Variants in PEX26 observed in about 807,000 individuals in gnomAD.
The protein encoded by PEX26 is peroxisome assembly protein 26.
In PEX26, 18 loss-of-function variants were observed where a neutral mutation model predicts 31.4. The ratio of observed to expected loss-of-function variants is 0.57; its 90% CI spans 0.40 to 0.85. The LOEUF is 0.85. PEX26 is among the 40% of genes least tolerant of loss of function. The probability of loss-of-function intolerance (pLI) is 0.00; values close to 1 mark genes in which losing one functional copy is unlikely to be tolerated. For missense variants in PEX26, 377 were observed against 383.9 expected, an observed-to-expected ratio of 0.98 and a Z score of 0.15; for synonymous variants, 176 against 166.9, an observed-to-expected ratio of 1.05 and a Z score of -0.42.
In PEX26 at chr22:18,096,683, G is replaced by C. The variant is rs982827692; in HGVS notation, c.*8608G>C. The C allele has an allele frequency of 6.6e-6, 1 of 152,214 alleles. No homozygotes were observed. Among genetic ancestry groups the C allele is most frequent in the African/African-American group, 2.4e-5 (1 of 41,450 alleles). 9.4% of individuals were successfully genotyped at this position (152,214 alleles called of 1,614,324 possible). A position where few individuals can be genotyped will look rare whatever the true frequency, so the allele number is the denominator to read the frequency against. ...TCTGCCCACCTCGGCCTCCCAAAGT[G>C]CTGGGATTACAGGCGTGAGCCACCA... is the stretch of plus-strand genomic sequence containing the variant. On this transcript the variant is annotated 3_prime_UTR_variant, in exon 5 of 5. Transcript: ENST00000399744.
rs745763987 is a variant in PEX26, at chr22:18,079,941, C to T, written c.298C>T (p.Gln100Ter). The T allele has an allele frequency of 9.3e-6, 15 of 1,614,078 alleles. No homozygotes were observed. The highest frequency in any genetic ancestry group is 1.3e-5 in the Non-Finnish European group (15 of 1,179,968). The stretch of plus-strand genomic sequence containing the variant: ...GGCCCTGGCAGAAATGGATCGGTGG[C>T]AAGAAGTCCTCTCCTGGGTCCTTCA... ...IQALAEMDRWQEVLSWVLQYY... is the reference protein window; with the variant it reads ...IQALAEMDRW The change falls in exon 2 of 5, where the codon CAA becomes TAA. Residue 100 changes from glutamine to a stop codon, truncating the protein, a stop_gained. Coordinates refer to ENST00000399744, the MANE Select transcript of PEX26 (RefSeq NM_001127649.3). LOFTEE classifies it high-confidence loss of function.
At position 18,096,895 on chromosome 22, in the gene PEX26, A is replaced by G. The variant is rs1927313367; in HGVS notation, c.*8820A>G. 6.6e-6 allele frequency: 1 copy of G among 152,242 alleles called. No homozygotes were observed. The highest frequency in any genetic ancestry group is 2.4e-5 in the African/African-American group (1 of 41,442). The allele number at this position is 152,242 out of a possible 1,614,324, so 9.4% of individuals were successfully genotyped here. A position where few individuals can be genotyped will look rare whatever the true frequency, so the allele number is the denominator to read the frequency against. On this transcript the variant is annotated 3_prime_UTR_variant, in exon 5 of 5. Transcript: ENST00000399744. The stretch of plus-strand genomic sequence containing the variant: ...TTAGAGAAGTATCAGAGACTGGGTA[A>G]TTGTTGAAGAAAAGAGGTTTAACTG...
rs377645714 is a variant in PEX26 at position 18,103,803 on chromosome 22, CTT to C, written c.*15732_*15733del. 39 of 152,436 alleles carry C rather than the reference CTT, an allele frequency of 2.6e-4. No individual in the cohort carries two copies. Among genetic ancestry groups the C allele is most frequent in the African/African-American group, 8.2e-4 (34 of 41,548 alleles). 9.4% of individuals were successfully genotyped at this position (152,436 alleles called of 1,614,324 possible). On this transcript the variant is annotated 3_prime_UTR_variant, in exon 5 of 5. Transcript: ENST00000399744. The stretch of plus-strand genomic sequence containing the variant: ...CAACACCCACATGCACCACCACCAA[CTT>C]TTTGCTATTGTGAATAACATAGCTG...
rs1927216940 is a variant in PEX26 at position 18,094,108 on chromosome 22, C to CT, written c.*6035dup. The CT allele has an allele frequency of 6.6e-6, 1 of 152,214 alleles. No homozygotes were observed. Among genetic ancestry groups the CT allele is most frequent in the Admixed American group, 6.5e-5 (1 of 15,274 alleles). 9.4% of individuals were successfully genotyped at this position (152,214 alleles called of 1,614,324 possible). ...GCCCCTTTAAAACTTTTAGCATCCT[C>CT]TTGTCACTTTTGTACTATCCAAGGT... On this transcript the variant is annotated 3_prime_UTR_variant, in exon 5 of 5. Coordinates refer to ENST00000399744, the MANE Select transcript of PEX26 (RefSeq NM_001127649.3).
chr22:18,085,943 A>G (rs1323256988), intron 4 of PEX26, among the ~76,000 whole-genome samples: 1 of 152,190 alleles, frequency 6.6e-6, no homozygotes, highest in African/African-American at 2.4e-5. Context: ...TCAAGTATTA[A>G]TGTCTCATGA....
rs1447814445 is a variant in PEX26, at chr22:18,091,813, C to T, written c.*3738C>T. On this transcript the variant is annotated 3_prime_UTR_variant, in exon 5 of 5. Transcript: ENST00000399744. ...CCATGCTTTCCAAAGCCTACAAGTA[C>T]AGCAGCCCCAAGTTTAGGGTGAGCA... 6.6e-6 allele frequency: 1 copy of T among 152,240 alleles called. No individual in the cohort carries two copies. Among genetic ancestry groups the T allele is most frequent in the African/African-American group, 2.4e-5 (1 of 41,448 alleles). The allele number at this position is 152,240 out of a possible 1,614,324, so 9.4% of individuals were successfully genotyped here. A position where few individuals can be genotyped will look rare whatever the true frequency, so the allele number is the denominator to read the frequency against.
rs925289664 is a variant in PEX26, at chr22:18,092,878, AAAAC to A, written c.*4807_*4810del. The A allele has an allele frequency of 2.7e-5, 4 of 150,542 alleles. No individual in the cohort carries two copies. Among genetic ancestry groups the A allele is most frequent in the East Asian group, 1.9e-4 (1 of 5,198 alleles). 9.3% of individuals were successfully genotyped at this position (150,542 alleles called of 1,614,324 possible). ...TATAAAGCCAATTTTAAACAAGAAA[AAAAC>A]AAAAAGTTTACAAAAGAAAAAAAGA... is the stretch of plus-strand genomic sequence containing the variant. On this transcript the variant is annotated 3_prime_UTR_variant, in exon 5 of 5. Coordinates refer to ENST00000399744, the MANE Select transcript of PEX26 (RefSeq NM_001127649.3).
Position 18,078,421 on chromosome 22 carries a change from C to T in PEX26, c.45C>T (p.Leu15=), listed in dbSNP as rs1461300403. The T allele has an allele frequency of 1.9e-6, 3 of 1,589,966 alleles. No individual in the cohort carries two copies. The highest frequency in any genetic ancestry group is 2.3e-5 in the East Asian group (1 of 43,972). ...CCTCTGCAGCCCCCCTCAGGGGGCT[C>T]GGGGGACCCCTGCGCAGCAGCGAGC... The part of the protein sequence containing the change: ...SSTSAAPLRG[L]GGPLRSSEPV... The change falls in exon 1 of 5, where the codon CTC becomes CTT. Residue 15 remains leucine, a synonymous_variant. Coordinates refer to ENST00000399744, the MANE Select transcript of PEX26 (RefSeq NM_001127649.3).
chr22:18,078,235 G>C lies in PEX26; in HGVS notation c.-142G>C, dbSNP rs1421800886. On this transcript the variant is annotated 5_prime_UTR_variant, in exon 1 of 5. Transcript: ENST00000399744. The stretch of plus-strand genomic sequence containing the variant: ...GATAGGCCCCTTCCTTTTCCTTCTC[G>C]GGGAATCGACCTCGGGAAGGGGTGT... 13 of 730,958 alleles carry C rather than the reference G, an allele frequency of 1.8e-5. No individual in the cohort carries two copies. Among genetic ancestry groups the C allele is most frequent in the Admixed American group, 1.0e-4 (5 of 49,984 alleles). 45.3% of individuals were successfully genotyped at this position (730,958 alleles called of 1,614,324 possible).
At chr22:18,085,309 G>C (rs891751643) in intron 4 of PEX26, 51 bp downstream of exon 4, 28 of 1,600,970 alleles carry the variant, frequency 1.7e-5, no homozygotes, top group Admixed American at 5.0e-5. Flanking sequence ...GTTGTTGCCA[G>C]GGCTGGGCCT....
chr22:18,088,114 C>T lies in PEX26; in HGVS notation c.*39C>T, dbSNP rs779384079. The stretch of plus-strand genomic sequence containing the variant: ...CCACAGCCTCTCTGCTCCTCACGTC[C>T]GTGGCCACAGAAGCAGAGCGACAGA... On this transcript the variant is annotated 3_prime_UTR_variant, in exon 5 of 5. Coordinates refer to ENST00000399744, the MANE Select transcript of PEX26 (RefSeq NM_001127649.3). This position sits in a 1 kb window ranked among gnomAD's most constrained non-coding sequence, Gnocchi z 4.1. 22 of 1,343,694 alleles carry T rather than the reference C, an allele frequency of 1.6e-5. No homozygotes were observed. Among genetic ancestry groups the T allele is most frequent in the Middle Eastern group, 1.8e-4 (1 of 5,594 alleles). 83.2% of individuals were successfully genotyped at this position (1,343,694 alleles called of 1,614,324 possible). A position where few individuals can be genotyped will look rare whatever the true frequency, so the allele number is the denominator to read the frequency against.
chr22:18,084,837 C>T (rs1014420234), intron 3 of PEX26, among the ~76,000 whole-genome samples: 1 of 151,930 alleles, frequency 6.6e-6, no homozygotes, highest in Non-Finnish European at 1.5e-5. Flanking sequence ...ATTCTCGTGC[C>T]TCAGGCTCCC....
intron 3 of PEX26, among the ~76,000 whole-genome samples, chr22:18,084,744 C>T (rs1374393225): frequency 1.7e-4 from 24 of 144,656 alleles, no homozygotes; most frequent in Admixed American, 1.2e-3. Flanking sequence ...TTTTTTGAGA[C>T]GGAGTTTTGC....
At position 18,079,829 on chromosome 22, in the gene PEX26, T is replaced by G. The variant is rs114973307; in HGVS notation, c.231-45T>G. ...CCCAAGGTGGAGGTGGGAATGGAAA[T>G]GGAGGGGAACCACTTCTAACTGAAA... On this transcript the variant is annotated intron_variant, in intron 1 of 4. Transcript: ENST00000399744. 5,574 of 1,612,592 alleles carry G rather than the reference T, an allele frequency of 3.5e-3. 141 individuals are homozygous for G. In the African/African-American group the frequency reaches 0.061, roughly 18 times the overall value.
At chr22:18,083,111 C>A (rs901564535) in intron 2 of PEX26, among the ~76,000 whole-genome samples, 1 of 152,190 alleles carries the variant, frequency 6.6e-6, no homozygotes, top group Non-Finnish European at 1.5e-5. Context: ...TTCCTCCTTT[C>A]CAATTTGGAT....
At chr22:18,083,813 T>C in intron 3 of PEX26, 81 bp downstream of exon 3, 1 of 1,327,136 alleles carries the variant, frequency 7.5e-7, no homozygotes, top group Non-Finnish European at 1.1e-6. Context: ...GTGAAACTCC[T>C]GCGAGCTTAG....
intron 4 of PEX26, among the ~76,000 whole-genome samples, chr22:18,086,392 A>T (rs1015490116): frequency 2.0e-5 from 3 of 152,226 alleles, no homozygotes; most frequent in Non-Finnish European, 4.4e-5. Context: ...TTTTCTATGG[A>T]TATAGAGATT....
intron 4 of PEX26, 112 bp from the exon 5 acceptor site, chr22:18,087,860 C>A (rs1335317671): frequency 2.5e-6 from 2 of 800,956 alleles, no homozygotes; most frequent in Non-Finnish European, 4.5e-6. Flanking sequence ...CTAAAAAAAA[C>A]AAAACAAAAC....
intron 3 of PEX26, 56 bp downstream of exon 3, chr22:18,083,788 A>T: frequency 6.5e-7 from 1 of 1,542,194 alleles, no homozygotes; most frequent in Non-Finnish European, 8.9e-7. Flanking sequence ...CTTGCACTGT[A>T]CCTCGGGGTC....
Sources: allele counts gnomAD v4.1 joint callset (sites outside exome capture counted in the v4.1 genomes callset), GRCh38; gene constraint gnomAD v4.1.1; non-coding constraint Gnocchi (gnomAD v3.1); transcripts MANE v1.5; gene names NCBI Gene and HGNC (gene_info 2026-07-23, HGNC 2026-07-21).